Variants in C1QTNF8 observed in about 807,000 individuals in gnomAD.
C1QTNF8 encodes the protein complement C1q tumor necrosis factor-related protein 8.
A neutral mutation model predicts 19.2 loss-of-function variants in C1QTNF8; 27 were observed. The ratio of observed to expected loss-of-function variants is 1.41; its 90% CI spans 1.04 to 1.94. The LOEUF is 1.94. C1QTNF8 is among the 30% of genes most tolerant of loss of function. The pLI, the probability that C1QTNF8 is intolerant of heterozygous loss-of-function variation, is 0.00. For missense variants in C1QTNF8, 484 were observed against 374.4 expected, an observed-to-expected ratio of 1.29 and a Z score of -2.42; for synonymous variants, 208 against 172.8, an observed-to-expected ratio of 1.20 and a Z score of -1.60.
chr16:1,094,718 T>C lies in C1QTNF8; in HGVS notation c.205A>G (p.Lys69Glu), dbSNP rs774080662. 2.9e-5 allele frequency: 46 copies of C among 1,592,890 alleles called. No homozygotes were observed. Among genetic ancestry groups the C allele is most frequent in the Non-Finnish European group, 3.8e-5 (45 of 1,170,562 alleles). ...AGGCAGCACCCACGGGCCTCACCTTTGAGGATTTCGATGTCTATAGTGGGC... is the reference window on the plus strand; with the variant it reads ...AGGCAGCACCCACGGGCCTCACCTTCGAGGATTTCGATGTCTATAGTGGGC... ...VRPTIDIEIL[K>E]GEKGEAGVRG... The change falls in exon 3 of 5, where the codon AAA (lysine) becomes GAA (glutamate). Residue 69 changes from lysine (K) to glutamate (E), a missense_variant. Lys to Glu is a moderately conservative substitution (Grantham distance 56). Transcript: ENST00000328449.
At chr16:1,091,279 G>T (rs1199363783) in intron 4 of C1QTNF8, among the ~76,000 whole-genome samples, 2 of 152,148 alleles carry the variant, frequency 1.3e-5, no homozygotes, top group African/African-American at 4.8e-5. Context: ...CTTTATGGAA[G>T]GCCTTGTGAG....
rs373967007 is a variant in C1QTNF8, at chr16:1,094,750, C to T, written c.173G>A (p.Arg58Gln). Reference sequence around the variant, plus strand: ...TTCGATGTCTATAGTGGGCCGTACTCGAGGCAGCCCCCTCCACAGGTCCCC... The same window carrying T: ...TTCGATGTCTATAGTGGGCCGTACTTGAGGCAGCCCCCTCCACAGGTCCCC... Reference protein sequence around the residue: ...WRGDLWRGLPRVRPTIDIEIL... With the variant: ...WRGDLWRGLPQVRPTIDIEIL... The change falls in exon 3 of 5, where the codon CGA becomes CAA. Residue 58 changes from arginine (R) to glutamine (Q), a missense_variant. Coordinates refer to ENST00000328449, the MANE Select transcript of C1QTNF8 (RefSeq NM_207419.3). 133 of 1,561,506 alleles carry T rather than the reference C, an allele frequency of 8.5e-5. No homozygotes were observed. Among genetic ancestry groups the T allele is most frequent in the Non-Finnish European group, 1.1e-4 (125 of 1,156,346 alleles).
In C1QTNF8 at chr16:1,089,746, C is replaced by T. The variant is rs1326734839; in HGVS notation, c.*853G>A. ...GGCACCTCTTAGCGCCACCGGCCGT[C>T]AGCACACGGGGTAGGGCTGGGGGTG... is the stretch of plus-strand genomic sequence containing the variant. On this transcript the variant is annotated 3_prime_UTR_variant, in exon 5 of 5. Transcript: ENST00000328449. Among the ~76,000 whole-genome samples the T allele has an allele frequency of 6.6e-6, 1 of 152,066 alleles. No individual in the cohort carries two copies. Among genetic ancestry groups the T allele is most frequent in the East Asian group, 1.9e-4 (1 of 5,174 alleles).
Position 1,093,558 on chromosome 16 carries a change from G to C in C1QTNF8, c.702C>G (p.His234Gln). Residue 234 changes from histidine to glutamine, a missense_variant, in exon 4 of 5, where the codon CAC becomes CAG. By Grantham distance (24) the His-to-Gln change is conservative (BLOSUM62 0). Coordinates refer to ENST00000328449, the MANE Select transcript of C1QTNF8 (RefSeq NM_207419.3). The stretch of plus-strand genomic sequence containing the variant: ...CGCTGAAGGTGATGTAGAGGTCTCC[G>C]TGCTCGCCGTAGATGGCGTTGTCCC... ...RDRDNAIYGE[H>Q]GDLYITFSGH... The C allele has an allele frequency of 1.3e-6, 2 of 1,590,000 alleles. No individual in the cohort carries two copies. Among genetic ancestry groups the C allele is most frequent in the Non-Finnish European group, 1.7e-6 (2 of 1,166,810 alleles).
chr16:1,092,515 C>G (rs113920737), intron 4 of C1QTNF8, among the ~76,000 whole-genome samples: 4 of 139,854 alleles, frequency 2.9e-5, no homozygotes, highest in Non-Finnish European at 6.2e-5. Context: ...ACACAGTCGG[C>G]GCTCAACCAA....
rs1019881014 is a variant in C1QTNF8 at position 1,093,585 on chromosome 16, G to C, written c.675C>G (p.Asp225Glu). The C allele has an allele frequency of 1.7e-5, 28 of 1,600,208 alleles. No individual in the cohort carries two copies. Among genetic ancestry groups the C allele is most frequent in the Non-Finnish European group, 2.4e-5 (28 of 1,173,562 alleles). ...GCTCGCCGTAGATGGCGTTGTCCCG[G>C]TCGCGCTGGAACATGCGCACCCAGA... is the stretch of plus-strand genomic sequence containing the variant. ...DAVWVRMFQRDRDNAIYGEHG... is the reference protein window; with the variant it reads ...DAVWVRMFQRERDNAIYGEHG... The change falls in exon 4 of 5, where the codon GAC (aspartate) becomes GAG (glutamate). Residue 225 changes from aspartate (D) to glutamate (E), a missense_variant. Asp to Glu is a conservative substitution (Grantham distance 45). Transcript: ENST00000328449.
At chr16:1,095,057 TG>T in intron 2 of C1QTNF8, 124 bp from the exon 3 acceptor site, 1 of 435,496 alleles carries the variant, frequency 2.3e-6, no homozygotes, top group East Asian at 3.5e-5. Context: ...AGCTTCTGCC[TG>T]GGCACGGACG....
At chr16:1,094,301 G>A (rs2092094432) in intron 3 of C1QTNF8, among the ~76,000 whole-genome samples, 1 of 152,190 alleles carries the variant, frequency 6.6e-6, no homozygotes, top group African/African-American at 2.4e-5. Flanking sequence ...GGTGGTCAGG[G>A]CCAGCTACGG....
chr16:1,093,624 C>A lies in C1QTNF8; in HGVS notation c.636G>T (p.Ala212=). ...MQAQSLMLLL[A]AGDAVWVRMF... is the part of the protein sequence containing the mutation. ...TGCGCACCCAGACGGCGTCGCCCGCCGCCAGCAGCAGCATCAGGCTCTGGG... is the reference window on the plus strand; with the variant it reads ...TGCGCACCCAGACGGCGTCGCCCGCAGCCAGCAGCAGCATCAGGCTCTGGG... Residue 212 remains alanine, a synonymous_variant, in exon 4 of 5, where the codon GCG becomes GCT. Coordinates refer to ENST00000328449, the MANE Select transcript of C1QTNF8 (RefSeq NM_207419.3). The A allele has an allele frequency of 6.2e-7, 1 of 1,608,028 alleles. No individual in the cohort carries two copies. Among genetic ancestry groups the A allele is most frequent in the Non-Finnish European group, 8.5e-7 (1 of 1,177,428 alleles).
rs764239759 is a variant in C1QTNF8, at chr16:1,093,648, G to T, written c.612C>A (p.Ala204=). Residue 204 remains alanine, a synonymous_variant, in exon 4 of 5, where the codon GCC becomes GCA. Transcript: ENST00000328449. ...AQPSERSVMQ[A]QSLMLLLAAG... ...CCGCCAGCAGCAGCATCAGGCTCTG[G>T]GCCTGCATGACGCTGCGCTCGCTGG... 6.2e-7 allele frequency: 1 copy of T among 1,607,896 alleles called. No individual in the cohort carries two copies. The highest frequency in any genetic ancestry group is 8.5e-7 in the Non-Finnish European group (1 of 1,176,800).
At position 1,089,324 on chromosome 16, in the gene C1QTNF8, C is replaced by T. The variant is rs575903792; in HGVS notation, c.*1275G>A. 3.3e-5 allele frequency among the ~76,000 whole-genome samples: 5 copies of T among 152,218 alleles called. No homozygotes were observed. Among genetic ancestry groups the T allele is most frequent in the South Asian group, 2.1e-4 (1 of 4,812 alleles). On this transcript the variant is annotated 3_prime_UTR_variant, in exon 5 of 5. Coordinates refer to ENST00000328449, the MANE Select transcript of C1QTNF8 (RefSeq NM_207419.3). ...CCCCCCACCTCTGGTTCTTCAAGCA[C>T]CTGCCACACTTGACCCCAACAGGCT...
chr16:1,094,957 G>A (rs1190588529), intron 2 of C1QTNF8, 24 bp from the exon 3 acceptor site: 6 of 1,062,236 alleles, frequency 5.6e-6, no homozygotes, highest in Non-Finnish European at 7.4e-6. Context: ...AAGAGGGGAG[G>A]GACTGAGAAG....
intron 4 of C1QTNF8, among the ~76,000 whole-genome samples, chr16:1,092,265 C>T (rs1852642047): frequency 6.6e-6 from 1 of 152,214 alleles, no homozygotes; most frequent in Admixed American, 6.5e-5. Context: ...ACAGTCGGCA[C>T]TCAATCAATC....
In C1QTNF8 at chr16:1,090,520, G is replaced by A. The variant is rs1198419402; in HGVS notation, c.*79C>T. 1.3e-5 allele frequency: 2 copies of A among 152,442 alleles called. No individual in the cohort carries two copies. The highest frequency in any genetic ancestry group is 4.8e-5 in the African/African-American group (2 of 41,462). The allele number at this position is 152,442 out of a possible 1,614,324, so 9.4% of individuals were successfully genotyped here. A position where few individuals can be genotyped will look rare whatever the true frequency, so the allele number is the denominator to read the frequency against. ...CAAGGGCAGGGCACCCTCTGTCCCAGGACAGGAGTGAGGCGAAGTGGAGAG... is the reference window on the plus strand; with the variant it reads ...CAAGGGCAGGGCACCCTCTGTCCCAAGACAGGAGTGAGGCGAAGTGGAGAG... On this transcript the variant is annotated 3_prime_UTR_variant, in exon 5 of 5. Coordinates refer to ENST00000328449, the MANE Select transcript of C1QTNF8 (RefSeq NM_207419.3).
intron 4 of C1QTNF8, among the ~76,000 whole-genome samples, chr16:1,092,333 C>G (rs200977360): frequency 2.0e-5 from 3 of 151,816 alleles, no homozygotes; most frequent in East Asian, 3.9e-4. Context: ...CAATCAATCC[C>G]TGCACACAGT....
intron 2 of C1QTNF8, among the ~76,000 whole-genome samples, chr16:1,095,337 C>A (rs1054382216): frequency 6.6e-6 from 1 of 152,192 alleles, no homozygotes; most frequent in South Asian, 2.1e-4. Flanking sequence ...CAGGGAAAGG[C>A]CCCCCAAGGC....
chr16:1,092,568 C>T (rs1436901937), intron 4 of C1QTNF8, among the ~76,000 whole-genome samples: 2 of 119,574 alleles, frequency 1.7e-5, no homozygotes, highest in Non-Finnish European at 3.4e-5. Context: ...TGCACACAGT[C>T]GGCGCTCAAC....
chr16:1,093,557 C>G lies in C1QTNF8; in HGVS notation c.703G>C (p.Gly235Arg), dbSNP rs748285905. ...DRDNAIYGEH[G>R]DLYITFSGHL... is the part of the protein sequence containing the mutation. ...CCGCTGAAGGTGATGTAGAGGTCTC[C>G]GTGCTCGCCGTAGATGGCGTTGTCC... Residue 235 changes from glycine (G) to arginine (R), a missense_variant, in exon 4 of 5, where the codon GGA (glycine) becomes CGA (arginine). By Grantham distance (125) the Gly-to-Arg change is moderately radical (BLOSUM62 -2). Transcript: ENST00000328449. The G allele has an allele frequency of 2.9e-5, 46 of 1,589,342 alleles. No individual in the cohort carries two copies. Among genetic ancestry groups the G allele is most frequent in the Middle Eastern group, 1.7e-4 (1 of 5,740 alleles).
rs568773278 is a variant in C1QTNF8, at chr16:1,093,910, G to A, written c.350C>T (p.Ala117Val). ...PPGAACRRAY[A>V]AFSVGRREGL... Reference sequence around the variant, plus strand: ...CTCGCGCCGGCCCACGGAGAAGGCGGCGTAGGCACGTCGGCACGCGGCGCC... The same window carrying A: ...CTCGCGCCGGCCCACGGAGAAGGCGACGTAGGCACGTCGGCACGCGGCGCC... The change falls in exon 4 of 5, where the codon GCC becomes GTC. Residue 117 changes from alanine (A) to valine (V), a missense_variant. Physicochemically the swap from Ala to Val is moderately conservative, Grantham distance 64 (BLOSUM62 0). Coordinates refer to ENST00000328449, the MANE Select transcript of C1QTNF8 (RefSeq NM_207419.3). 7 of 1,545,662 alleles carry A rather than the reference G, an allele frequency of 4.5e-6. No individual in the cohort carries two copies. The highest frequency in any genetic ancestry group is 4.2e-5 in the African/African-American group (3 of 71,512).
Sources: gnomAD v4.1 joint callset for allele counts (sites outside exome capture counted in the v4.1 genomes callset) on GRCh38, gnomAD v4.1.1 for gene constraint, MANE v1.5 for transcripts, NCBI Gene and HGNC (gene_info 2026-07-23, HGNC 2026-07-21) for gene names.